SPSB4: variants seen among roughly 807,000 people sequenced by gnomAD.
SPSB4 encodes the protein splA/ryanodine receptor domain and SOCS box containing 4, also known as SPRY domain-containing SOCS box protein 4.
SPSB4 carries 21 observed loss-of-function variants against 20.9 expected under a neutral mutation model. The ratio of observed to expected loss-of-function variants is 1.01; its 90% CI spans 0.71 to 1.45. SPSB4 has a LOEUF of 1.45. Ranked by LOEUF, SPSB4 falls within the 40% of genes most tolerant of loss-of-function variation. SPSB4 has a pLI of 0.00. For synonymous variants in SPSB4, 207 were observed against 183.8 expected, an observed-to-expected ratio of 1.13 and a Z score of -1.02; for missense variants, 399 against 399.2, an observed-to-expected ratio of 1.00 and a Z score of 0.00.
At chr3:141,098,764 A>T (rs1379140986) in intron 2 of SPSB4, among the ~76,000 whole-genome samples, 1 of 152,360 alleles carries the variant, frequency 6.6e-6, no homozygotes, top group East Asian at 1.9e-4. Context: ...TGGCTAATAC[A>T]TCTAGAACAG....
Position 141,137,351 on chromosome 3 carries a change from T to G in SPSB4, c.695-9791T>G, listed in dbSNP as rs1038242708. Among the ~76,000 whole-genome samples the G allele has an allele frequency of 1.6e-4, 24 of 152,290 alleles. No individual in the cohort carries two copies. In the South Asian group the frequency reaches 2.5e-3, roughly 16 times the overall value. ...CACCTTCTCCTGCCTGATTGCCCTG[T>G]CCAGAACTTCCAACACTATGTTGAA... On this transcript the variant is annotated intron_variant, in intron 2 of 2. Coordinates refer to ENST00000310546, the MANE Select transcript of SPSB4 (RefSeq NM_080862.3).
intron 2 of SPSB4, among the ~76,000 whole-genome samples, chr3:141,114,324 AC>A (rs1189717492): frequency 6.6e-6 from 1 of 151,988 alleles, no homozygotes; most frequent in Non-Finnish European, 1.5e-5. Context: ...AGGGTATCTC[AC>A]TCATTTCCAG....
chr3:141,136,869 C>T (rs974322034), intron 2 of SPSB4, among the ~76,000 whole-genome samples: 1 of 152,120 alleles, frequency 6.6e-6, no homozygotes, highest in Admixed American at 6.5e-5. Context: ...TTTTCCAATT[C>T]TGTGAAGAAA....
chr3:141,130,897 A>G (rs1939120114), intron 2 of SPSB4, among the ~76,000 whole-genome samples: 1 of 152,230 alleles, frequency 6.6e-6, no homozygotes, highest in Non-Finnish European at 1.5e-5. Context: ...GAACTTTTGA[A>G]ATGATTACCT....
At chr3:141,053,558 C>G (rs1023560997) in intron 1 of SPSB4, among the ~76,000 whole-genome samples, 2 of 151,982 alleles carry the variant, frequency 1.3e-5, no homozygotes, top group African/African-American at 4.8e-5. Flanking sequence ...TGACATATAC[C>G]ACTCCTATCA....
chr3:141,055,566 G>A (rs1426376972), intron 1 of SPSB4, among the ~76,000 whole-genome samples: 2 of 152,200 alleles, frequency 1.3e-5, no homozygotes, highest in African/African-American at 4.8e-5. Flanking sequence ...AGAGTGGGTT[G>A]GCGGGCAAAC....
chr3:141,138,726 A>G (rs1005450137), intron 2 of SPSB4, among the ~76,000 whole-genome samples: 10 of 152,104 alleles, frequency 6.6e-5, no homozygotes, highest in Non-Finnish European at 1.3e-4. Flanking sequence ...CTGTTCTTTT[A>G]CATTTGCTGA....
intron 1 of SPSB4, among the ~76,000 whole-genome samples, chr3:141,059,238 A>G (rs1212298549): frequency 1.3e-5 from 2 of 152,132 alleles, no homozygotes; most frequent in Non-Finnish European, 2.9e-5. Flanking sequence ...TGGACTAATT[A>G]TCTCTCAAAG....
intron 2 of SPSB4, among the ~76,000 whole-genome samples, chr3:141,075,234 G>A (rs1185793242): frequency 6.6e-6 from 1 of 151,794 alleles, no homozygotes; most frequent in Non-Finnish European, 1.5e-5. Context: ...TTTCTGAGGG[G>A]AGGCCTTGGA....
At chr3:141,068,952 G>A (rs1937941684) in intron 2 of SPSB4, among the ~76,000 whole-genome samples, 1 of 152,150 alleles carries the variant, frequency 6.6e-6, no homozygotes, top group South Asian at 2.1e-4. Flanking sequence ...GGTCCTTCAG[G>A]TGGTTGAACA....
At chr3:141,146,420 C>T (rs1252133899) in intron 2 of SPSB4, among the ~76,000 whole-genome samples, 1 of 152,124 alleles carries the variant, frequency 6.6e-6, no homozygotes, top group East Asian at 1.9e-4. Context: ...TGCAGATCCA[C>T]CCAAGGCCAC....
intron 1 of SPSB4, among the ~76,000 whole-genome samples, chr3:141,065,090 GT>G (rs1000567946): frequency 2.0e-5 from 3 of 152,184 alleles, no homozygotes; most frequent in Non-Finnish European, 2.9e-5. Flanking sequence ...TTATCCTCAT[GT>G]TTTTTACTGG....
intron 2 of SPSB4, among the ~76,000 whole-genome samples, chr3:141,140,825 C>T (rs1227590518): frequency 1.3e-5 from 2 of 152,204 alleles, no homozygotes; most frequent in Non-Finnish European, 2.9e-5. Flanking sequence ...TCTCAAGCTG[C>T]GTGCTGGGAG....
At chr3:141,146,748 T>G (rs1382593401) in intron 2 of SPSB4, among the ~76,000 whole-genome samples, 5 of 147,994 alleles carry the variant, frequency 3.4e-5, no homozygotes, top group African/African-American at 1.3e-4. Flanking sequence ...CACTCCAGCC[T>G]GGGCGACAGA....
intron 1 of SPSB4, among the ~76,000 whole-genome samples, chr3:141,058,264 C>T (rs1051060402): frequency 6.6e-6 from 1 of 152,222 alleles, no homozygotes; most frequent in Non-Finnish European, 1.5e-5. Context: ...GGCATTGCCA[C>T]TTCATGTCTC....
chr3:141,140,604 C>G (rs575485306), intron 2 of SPSB4, among the ~76,000 whole-genome samples: 3 of 152,276 alleles, frequency 2.0e-5, no homozygotes, highest in Non-Finnish European at 2.9e-5. Context: ...CACTCCAGAC[C>G]CTGTTTGCCT....
In SPSB4 at chr3:141,131,775, T is replaced by A. The variant is rs1047694799; in HGVS notation, c.695-15367T>A. ...GCTTTCAGTTTGGTGCTGTTACAAG[T>A]AATGCTCCTATGAGCATTTGTGAAT... On this transcript the variant is annotated intron_variant, in intron 2 of 2. Coordinates refer to ENST00000310546, the MANE Select transcript of SPSB4 (RefSeq NM_080862.3). Among the ~76,000 whole-genome samples, 5 of 152,252 alleles carry A rather than the reference T, an allele frequency of 3.3e-5. No individual in the cohort carries two copies. The South Asian group carries it at 1.0e-3, about 32-fold the overall frequency.
At chr3:141,111,639 T>C (rs950855966) in intron 2 of SPSB4, among the ~76,000 whole-genome samples, 6 of 152,166 alleles carry the variant, frequency 3.9e-5, no homozygotes, top group African/African-American at 1.4e-4. Flanking sequence ...AGCGGGTCTC[T>C]CAGTTTCCTG....
intron 2 of SPSB4, among the ~76,000 whole-genome samples, chr3:141,098,915 T>C (rs979340980): frequency 2.0e-5 from 3 of 152,140 alleles, no homozygotes; most frequent in Non-Finnish European, 4.4e-5. Context: ...GAGCATGGCA[T>C]TGGCATCCGG....
Sources: allele counts gnomAD v4.1 joint callset (sites outside exome capture counted in the v4.1 genomes callset), GRCh38; gene constraint gnomAD v4.1.1; transcripts MANE v1.5; gene names NCBI Gene and HGNC (gene_info 2026-07-23, HGNC 2026-07-21).